TKT: variants seen among roughly 807,000 people sequenced by gnomAD.
TKT encodes the protein transketolase.
A neutral mutation model predicts 63.9 loss-of-function variants in TKT; 47 were observed. The observed-to-expected ratio is 0.74, with a 90% CI of 0.58 to 0.94. The LOEUF (loss-of-function observed/expected upper bound fraction) is 0.94, where lower values mean the gene tolerates loss of function less well. Ranked by LOEUF, TKT falls within the 40% of genes least tolerant of loss-of-function variation. The probability of loss-of-function intolerance (pLI) is 0.00; values close to 1 mark genes in which losing one functional copy is unlikely to be tolerated. For missense variants in TKT, 721 were observed against 846.2 expected, an observed-to-expected ratio of 0.85 and a Z score of 1.84; for synonymous variants, 338 against 334.1, an observed-to-expected ratio of 1.01 and a Z score of -0.13.
intron 1 of TKT, among the ~76,000 whole-genome samples, chr3:53,253,592 C>T (rs1553681896): frequency 6.6e-6 from 1 of 152,208 alleles, no homozygotes; most frequent in East Asian, 1.9e-4. Flanking sequence ...TGGTGAAACC[C>T]CATCTCTACT....
chr3:53,252,395 T>A (rs9846315), intron 1 of TKT, among the ~76,000 whole-genome samples: 38,861 of 152,034 alleles, frequency 0.26, 5,407 homozygotes, highest in African/African-American at 0.35. Context: ...TACTCTTGGC[T>A]CACAACTTTC....
rs1553682241 is a variant in TKT, at chr3:53,255,966, G to A, written c.-24C>T. 1 of 1,481,942 alleles carries A rather than the reference G, an allele frequency of 6.7e-7. No homozygotes were observed. Among genetic ancestry groups the A allele is most frequent in the Non-Finnish European group, 9.1e-7 (1 of 1,104,212 alleles). 91.8% of individuals were successfully genotyped at this position (1,481,942 alleles called of 1,614,324 possible). On this transcript the variant is annotated 5_prime_UTR_variant, in exon 1 of 14. Coordinates refer to ENST00000462138, the MANE Select transcript of TKT (RefSeq NM_001064.4). Reference sequence around the variant, plus strand: ...ATGGTGCGGCAGGCGGGGACCGGGCGCACACGCGGACACACAGAGATAGCG... The same window carrying A: ...ATGGTGCGGCAGGCGGGGACCGGGCACACACGCGGACACACAGAGATAGCG...
rs889596837 is a variant in TKT at position 53,251,078 on chromosome 3, C to T, written c.107+4758G>A. ...GAGCCACCGCACCTGGCCGGAAGGG[C>T]CTTTCTGACAAAGGCACAGCCACTA... On this transcript the variant is annotated intron_variant, in intron 1 of 13. Coordinates refer to ENST00000462138, the MANE Select transcript of TKT (RefSeq NM_001064.4). Among the ~76,000 whole-genome samples, 3 of 152,184 alleles carry T rather than the reference C, an allele frequency of 2.0e-5. No individual in the cohort carries two copies. The East Asian group carries it at 5.8e-4, about 29-fold the overall frequency.
chr3:53,227,909 A>G (rs537071570), intron 12 of TKT, 147 bp downstream of exon 12: 6 of 710,436 alleles, frequency 8.4e-6, no homozygotes, highest in Non-Finnish European at 1.4e-5. Flanking sequence ...GGATGGCTAT[A>G]ATTGCTATCA....
chr3:53,244,897 A>C (rs546816796), intron 1 of TKT, among the ~76,000 whole-genome samples: 1,655 of 151,996 alleles, frequency 0.011, 20 homozygotes, highest in African/African-American at 0.036. Context: ...AAAAAAAAAA[A>C]AAAAAACTAA....
chr3:53,228,452 G>T, intron 10 of TKT, 93 bp from the exon 11 acceptor site: 1 of 1,428,542 alleles, frequency 7.0e-7, no homozygotes. Flanking sequence ...CTTCCCATGG[G>T]AGCGTTAGTT....
intron 1 of TKT, among the ~76,000 whole-genome samples, chr3:53,251,274 C>G (rs1321588901): frequency 6.6e-6 from 1 of 152,230 alleles, no homozygotes; most frequent in Non-Finnish European, 1.5e-5. Flanking sequence ...ATGACACTTG[C>G]ACTGTTTGGA....
chr3:53,248,082 G>A (rs1052717359), intron 1 of TKT, among the ~76,000 whole-genome samples: 4 of 152,140 alleles, frequency 2.6e-5, no homozygotes, highest in East Asian at 1.9e-4. Flanking sequence ...ACTATAAAAC[G>A]GAGGTAAAAG....
At chr3:53,234,357 C>G (rs2106682152) in intron 5 of TKT, 1 of 152,698 alleles carries the variant, frequency 6.5e-6, no homozygotes, top group East Asian at 1.9e-4. Flanking sequence ...GCTCCCTCCC[C>G]TCCACAGCCT....
chr3:53,229,208 C>A, intron 9 of TKT, 71 bp from the exon 10 acceptor site: 1 of 1,613,016 alleles, frequency 6.2e-7, no homozygotes, highest in African/African-American at 1.3e-5. Context: ...GAATCCTGGC[C>A]CATCCCCCTC....
intron 6 of TKT, chr3:53,232,241 C>G: frequency 2.5e-6 from 1 of 398,058 alleles, no homozygotes; most frequent in Non-Finnish European, 4.4e-6. Flanking sequence ...TGGTCCAGAT[C>G]CTGCCCATTT....
At chr3:53,244,839 A>G (rs570674481) in intron 1 of TKT, among the ~76,000 whole-genome samples, 1 of 146,558 alleles carries the variant, frequency 6.8e-6, no homozygotes, top group African/African-American at 2.6e-5. Context: ...CTTACTGTAT[A>G]CCCTGACTCT....
intron 3 of TKT, 34 bp downstream of exon 3, chr3:53,241,098 C>A: frequency 1.3e-6 from 2 of 1,507,036 alleles, no homozygotes; most frequent in Non-Finnish European, 8.8e-7. Flanking sequence ...GAAGTGGAGG[C>A]AGAGGCATGG....
chr3:53,234,785 CTG>C (rs1704936059), intron 5 of TKT, 196 bp downstream of exon 5: 4 of 485,354 alleles, frequency 8.2e-6, no homozygotes, highest in African/African-American at 5.9e-5. Context: ...TCACTTAAAA[CTG>C]GGCCTGGCCC....
At position 53,228,133 on chromosome 3, in the gene TKT, T is replaced by C; in HGVS notation, c.1496A>G (p.Lys499Arg). ...CCCGATAACGGTCACCTGGTCATCCTTGCTCTTCAGGACCACCTGGGGGTG... is the reference window on the plus strand; with the variant it reads ...CCCGATAACGGTCACCTGGTCATCCCTGCTCTTCAGGACCACCTGGGGGTG... ...VGQAKVVLKS[K>R]DDQVTVIGAG... Residue 499 changes from lysine to arginine, a missense_variant, in exon 12 of 14, where the codon AAG becomes AGG. Coordinates refer to ENST00000462138, the MANE Select transcript of TKT (RefSeq NM_001064.4). 6.2e-7 allele frequency: 1 copy of C among 1,614,004 alleles called. No homozygotes were observed. The highest frequency in any genetic ancestry group is 8.5e-7 in the Non-Finnish European group (1 of 1,179,954).
intron 4 of TKT, among the ~76,000 whole-genome samples, chr3:53,239,800 C>T (rs1553679396): frequency 1.3e-5 from 2 of 152,220 alleles, no homozygotes; most frequent in African/African-American, 4.8e-5. Flanking sequence ...CCCCTCAGAA[C>T]ATACAACCCT....
At chr3:53,240,811 C>T (rs1451605362) in intron 3 of TKT, among the ~76,000 whole-genome samples, 1 of 152,234 alleles carries the variant, frequency 6.6e-6, no homozygotes, top group Non-Finnish European at 1.5e-5. Flanking sequence ...GCAGCCACTC[C>T]CTTATCGAGT....
chr3:53,246,275 AAAC>A (rs782516694), intron 1 of TKT, among the ~76,000 whole-genome samples: 6 of 152,110 alleles, frequency 3.9e-5, no homozygotes, highest in South Asian at 2.1e-4. Context: ...CTCAGGAAAA[AAAC>A]AACAACAACA....
Position 53,225,622 on chromosome 3 carries a change from C to A in TKT, c.*134G>T. On this transcript the variant is annotated 3_prime_UTR_variant, in exon 14 of 14. Transcript: ENST00000462138. The stretch of plus-strand genomic sequence containing the variant: ...GAACCTGCACTGGCTGCAAACACAT[C>A]AAAAAAGAAAACATTTCAGGGCCAA... 1.7e-6 allele frequency: 2 copies of A among 1,150,008 alleles called. No individual in the cohort carries two copies. Among genetic ancestry groups the A allele is most frequent in the Non-Finnish European group, 2.4e-6 (2 of 834,848 alleles). The allele number at this position is 1,150,008 out of a possible 1,614,324, so 71.2% of individuals were successfully genotyped here.
Sources: allele counts gnomAD v4.1 joint callset (sites outside exome capture counted in the v4.1 genomes callset), GRCh38; gene constraint gnomAD v4.1.1; transcripts MANE v1.5; gene names NCBI Gene and HGNC (gene_info 2026-07-23, HGNC 2026-07-21).